Variants in AP1M1 observed in about 807,000 individuals in gnomAD.
The protein encoded by AP1M1 is adaptor related protein complex 1 subunit mu 1, also known as AP-1 complex subunit mu-1.
Under a neutral mutation model 57.1 loss-of-function variants are expected in AP1M1, and 18 were observed. The ratio of observed to expected loss-of-function variants is 0.32; its 90% CI spans 0.22 to 0.47. AP1M1 has a LOEUF of 0.47. Ranked by LOEUF, AP1M1 falls within the 20% of genes least tolerant of loss-of-function variation. AP1M1 has a pLI of 1.00. For synonymous variants in AP1M1, 241 were observed against 237.9 expected (o/e 1.01, Z -0.12); for missense variants, 362 against 593.5 (o/e 0.61, Z 4.05).
chr19:16,205,740 G>A (rs541059451), intron 2 of AP1M1, among the ~76,000 whole-genome samples: 8 of 152,326 alleles, frequency 5.3e-5, no homozygotes, highest in Middle Eastern at 6.8e-3. Flanking sequence ...TGGCTCCTGT[G>A]GCAGAAGGGA....
At chr19:16,211,462 C>T (rs972782262) in intron 5 of AP1M1, among the ~76,000 whole-genome samples, 13 of 152,114 alleles carry the variant, frequency 8.5e-5, no homozygotes, top group African/African-American at 2.4e-5. Flanking sequence ...TCAGGGGGAA[C>T]GCTTTCAGCT....
rs2145146623 is a variant in AP1M1, at chr19:16,235,447, A to ACCAGCTCCCTCTGCTTCC, written c.*1019_*1036dup. ...CTTCCCTGTGGCCCCACGAGGTGTC[A>ACCAGCTCCCTCTGCTTCC]CCAGCTCCCTCTGCTTCCCCAGCTG... On this transcript the variant is annotated 3_prime_UTR_variant, in exon 12 of 12. Transcript: ENST00000291439. 1 of 152,326 alleles carries ACCAGCTCCCTCTGCTTCC rather than the reference A, an allele frequency of 6.6e-6. No individual in the cohort carries two copies. Among genetic ancestry groups the ACCAGCTCCCTCTGCTTCC allele is most frequent in the Admixed American group, 6.5e-5 (1 of 15,290 alleles). 9.4% of individuals were successfully genotyped at this position (152,326 alleles called of 1,614,324 possible). A position where few individuals can be genotyped will look rare whatever the true frequency, so the allele number is the denominator to read the frequency against.
In AP1M1 at chr19:16,228,980, G is replaced by A. The variant is rs547398509; in HGVS notation, c.1047+52G>A. ...TGCCCCCTGCGCCTGTCTCTGCAAG[G>A]CAGCCTGGGTGCCTCAGGACCCCCT... On this transcript the variant is annotated intron_variant, in intron 9 of 11. Transcript: ENST00000291439. This position sits in a 1 kb window ranked among gnomAD's most constrained non-coding sequence, Gnocchi z 5.0. 5.0e-5 allele frequency: 79 copies of A among 1,590,942 alleles called. 1 individual carries two copies. The East Asian group carries it at 1.6e-3, about 33-fold the overall frequency.
chr19:16,222,205 A>ATT (rs1213761084), intron 5 of AP1M1, among the ~76,000 whole-genome samples: 97 of 60,378 alleles, frequency 1.6e-3, no homozygotes, highest in African/African-American at 3.6e-3. Context: ...TACTATTATT[A>ATT]TTATTATTTT....
chr19:16,200,780 C>T (rs927107328), intron 1 of AP1M1, among the ~76,000 whole-genome samples: 1 of 152,230 alleles, frequency 6.6e-6, no homozygotes, highest in East Asian at 1.9e-4. Context: ...CTCTTCAGTG[C>T]TCCCTTCCGC....
chr19:16,231,957 C>T (rs772661683), intron 9 of AP1M1, among the ~76,000 whole-genome samples: 1 of 152,208 alleles, frequency 6.6e-6, no homozygotes, highest in African/African-American at 2.4e-5. Flanking sequence ...CATGGGTGGC[C>T]ATGGCACATG....
At chr19:16,234,299 TG>T (rs1167703692) in intron 11 of AP1M1, 25 bp downstream of exon 11, 11 of 1,612,810 alleles carry the variant, frequency 6.8e-6, no homozygotes, top group Non-Finnish European at 7.6e-6. Context: ...ACCCGTGGGG[TG>T]GGGTTGTACT....
intron 5 of AP1M1, among the ~76,000 whole-genome samples, chr19:16,217,442 A>C (rs1316806767): frequency 1.3e-5 from 2 of 152,270 alleles, no homozygotes; most frequent in East Asian, 3.9e-4. Context: ...GCCTGTGGGC[A>C]AGAACCTGCA....
In AP1M1 at chr19:16,234,469, C is replaced by A. The variant is rs2091615269; in HGVS notation, c.*34C>A. ...CGCAGCCAACACCCCGGCCTCGGGG[C>A]TCCTGGTGGCAGCACCAGGGGACAC... On this transcript the variant is annotated 3_prime_UTR_variant, in exon 12 of 12. Coordinates refer to ENST00000291439, the MANE Select transcript of AP1M1 (RefSeq NM_032493.4). 2 of 1,612,620 alleles carry A rather than the reference C, an allele frequency of 1.2e-6. No individual in the cohort carries two copies. Among genetic ancestry groups the A allele is most frequent in the African/African-American group, 2.7e-5 (2 of 74,892 alleles).
chr19:16,238,475 A>G lies in AP1M1; in HGVS notation c.*4040A>G, dbSNP rs35542939. On this transcript the variant is annotated 3_prime_UTR_variant, in exon 12 of 12. Coordinates refer to ENST00000291439, the MANE Select transcript of AP1M1 (RefSeq NM_032493.4). ...TACAACTTAAACAACATTGAGCGGG[A>G]AAAATGTTTACAAAAGAAAATGCAG... 0.55 allele frequency: 83,440 copies of G among 151,956 alleles called. 25,929 individuals carry two copies. The highest frequency in any genetic ancestry group is 0.71 in the Non-Finnish European group (48,326 of 67,968). The allele number at this position is 151,956 out of a possible 1,614,324, so 9.4% of individuals were successfully genotyped here.
rs932859659 is a variant in AP1M1 at position 16,239,176 on chromosome 19, G to GC, written c.*4747dup. The GC allele has an allele frequency of 7.6e-6, 1 of 131,336 alleles. No individual in the cohort carries two copies. Among genetic ancestry groups the GC allele is most frequent in the Admixed American group, 7.9e-5 (1 of 12,716 alleles). The allele number at this position is 131,336 out of a possible 1,614,324, so 8.1% of individuals were successfully genotyped here. On this transcript the variant is annotated 3_prime_UTR_variant, in exon 12 of 12. Coordinates refer to ENST00000291439, the MANE Select transcript of AP1M1 (RefSeq NM_032493.4). ...TCGAACTCCCGGCTTCAGGTGATCCGCCCCCCTCACCTTCCCAAAGTGCTG... is the reference window on the plus strand; with the variant it reads ...TCGAACTCCCGGCTTCAGGTGATCCGCCCCCCCTCACCTTCCCAAAGTGCTG...
rs1256187939 is a variant in AP1M1 at position 16,245,786 on chromosome 19, T to G, written c.*11351T>G. The G allele has an allele frequency of 6.6e-6, 1 of 152,190 alleles. No homozygotes were observed. The highest frequency in any genetic ancestry group is 2.4e-5 in the African/African-American group (1 of 41,436). 9.4% of individuals were successfully genotyped at this position (152,190 alleles called of 1,614,324 possible). On this transcript the variant is annotated 3_prime_UTR_variant, in exon 12 of 12. Transcript: ENST00000291439. ...TGTCCTTTCTATGTTCTCTTTTATG[T>G]CCTCTCTGGATTTATTACAGATTGT...
rs1358712686 is a variant in AP1M1 at position 16,207,514 on chromosome 19, GT to G, written c.268-501del. Among the ~76,000 whole-genome samples, 4 of 152,150 alleles carry G rather than the reference GT, an allele frequency of 2.6e-5. No homozygotes were observed. Among genetic ancestry groups the G allele is most frequent in the Non-Finnish European group, 5.9e-5 (4 of 68,012 alleles). On this transcript the variant is annotated intron_variant, in intron 3 of 11. Coordinates refer to ENST00000291439, the MANE Select transcript of AP1M1 (RefSeq NM_032493.4). The surrounding 1 kb of genome is among the most constrained non-coding windows in gnomAD (Gnocchi z 4.2). ...CCCAAGGGTTGGGCTGTGCCTTTCT[GT>G]TTTAGTGACGCTCCTTCCTTCAGCA...
At position 16,227,639 on chromosome 19, in the gene AP1M1, C is replaced by T. The variant is rs987132870; in HGVS notation, c.765C>T (p.Phe255=). Residue 255 remains phenylalanine (F), a synonymous_variant, in exon 7 of 12, where the codon TTC becomes TTT. Coordinates refer to ENST00000291439, the MANE Select transcript of AP1M1 (RefSeq NM_032493.4). This position sits in a 1 kb window ranked among gnomAD's most constrained non-coding sequence, Gnocchi z 6.2. ...TCGAGAATGACCGCACCATCTCCTT[C>T]ATCCCACCCGACGGCGAGTTCGAGC... is the stretch of plus-strand genomic sequence containing the variant. ...SRFENDRTIS[F]IPPDGEFELM... is the part of the protein sequence containing the mutation. 4.3e-6 allele frequency: 7 copies of T among 1,614,090 alleles called. No homozygotes were observed. The highest frequency in any genetic ancestry group is 4.2e-6 in the Non-Finnish European group (5 of 1,179,964).
intron 5 of AP1M1, among the ~76,000 whole-genome samples, chr19:16,220,355 C>T (rs2091538682): frequency 6.6e-6 from 1 of 151,988 alleles, no homozygotes; most frequent in Admixed American, 6.6e-5. Flanking sequence ...GGGACTGCAG[C>T]CGTGTGCCAC....
At chr19:16,198,430 C>G (rs1599449258) in intron 1 of AP1M1, 1 of 166,932 alleles carries the variant, frequency 6.0e-6, no homozygotes, top group African/African-American at 2.4e-5. Context: ...AGGGGCTGCG[C>G]GACCCTTGGC....
In AP1M1 at chr19:16,227,770, G is replaced by A. The variant is rs927539745; in HGVS notation, c.816+80G>A. 9.2e-6 allele frequency: 14 copies of A among 1,520,700 alleles called. No individual in the cohort carries two copies. Among genetic ancestry groups the A allele is most frequent in the Middle Eastern group, 1.8e-4 (1 of 5,712 alleles). 94.2% of individuals were successfully genotyped at this position (1,520,700 alleles called of 1,614,324 possible). On this transcript the variant is annotated intron_variant, in intron 7 of 11. Coordinates refer to ENST00000291439, the MANE Select transcript of AP1M1 (RefSeq NM_032493.4). This position sits in a 1 kb window ranked among gnomAD's most constrained non-coding sequence, Gnocchi z 6.2. The stretch of plus-strand genomic sequence containing the variant: ...TCCAGGAGGTGAAGCCCAGGCAGGC[G>A]CCAGGGCCAGCCCCACCCCACGCTC...
intron 5 of AP1M1, among the ~76,000 whole-genome samples, chr19:16,222,358 C>T (rs1452667605): frequency 6.6e-6 from 1 of 151,714 alleles, no homozygotes; most frequent in Non-Finnish European, 1.5e-5. Flanking sequence ...CAGGTGTGCA[C>T]CACCAAGCCT....
At chr19:16,214,742 A>T (rs1452200680) in intron 5 of AP1M1, among the ~76,000 whole-genome samples, 3 of 151,348 alleles carry the variant, frequency 2.0e-5, no homozygotes, top group Non-Finnish European at 2.9e-5. Flanking sequence ...GTCTGAAAGG[A>T]TCTTTTTTAT....
Sources: allele counts gnomAD v4.1 joint callset (sites outside exome capture counted in the v4.1 genomes callset), GRCh38; gene constraint gnomAD v4.1.1; non-coding constraint Gnocchi (gnomAD v3.1); transcripts MANE v1.5; gene names NCBI Gene and HGNC (gene_info 2026-07-23, HGNC 2026-07-21).